SVIL: variants seen among roughly 807,000 people sequenced by gnomAD.
The protein encoded by SVIL is supervillin.
Under a neutral mutation model 240.4 loss-of-function variants are expected in SVIL, and 101 were observed. The observed-to-expected ratio is 0.42, with a 90% CI of 0.36 to 0.50. SVIL has a LOEUF of 0.50. Ranked by LOEUF, SVIL falls within the 20% of genes least tolerant of loss-of-function variation. The probability of loss-of-function intolerance (pLI) is 0.01; values close to 1 mark genes in which losing one functional copy is unlikely to be tolerated. For synonymous variants in SVIL, 999 were observed against 1,100.0 expected (o/e 0.91, Z 1.82); for missense variants, 2,512 against 2,818.7 (o/e 0.89, Z 2.46).
chr10:29,520,131 A>G (rs976523899), intron 16 of SVIL, among the ~76,000 whole-genome samples: 11 of 152,252 alleles, frequency 7.2e-5, no homozygotes, highest in African/African-American at 2.7e-4. Context: ...CTAAGTCCAG[A>G]TGGACAGAAT....
chr10:29,623,936 T>C (rs1317687163), intron 1 of SVIL, among the ~76,000 whole-genome samples: 3 of 152,182 alleles, frequency 2.0e-5, no homozygotes, highest in African/African-American at 7.2e-5. Context: ...CCGTAGTATG[T>C]AGTGGGCTGT....
In SVIL at chr10:29,632,016, T is replaced by C. The variant is rs1589426152; in HGVS notation, c.-201+2404A>G. Among the ~76,000 whole-genome samples the C allele has an allele frequency of 2.0e-5, 3 of 152,314 alleles. No individual in the cohort carries two copies. In the East Asian group the frequency reaches 5.8e-4, roughly 29 times the overall value. Reference sequence around the variant, plus strand: ...TGAGTGTCCTAAAATCCCAGGCAGCTGCAGATTCAGGAGATGATTCCAAGG... The same window carrying C: ...TGAGTGTCCTAAAATCCCAGGCAGCCGCAGATTCAGGAGATGATTCCAAGG... On this transcript the variant is annotated intron_variant, in intron 1 of 37. Transcript: ENST00000355867.
chr10:29,541,822 C>G (rs775449186), intron 6 of SVIL, among the ~76,000 whole-genome samples: 1 of 152,160 alleles, frequency 6.6e-6, no homozygotes, highest in Non-Finnish European at 1.5e-5. Context: ...CAGTTCACGA[C>G]GCTCCACAAG....
chr10:29,717,587 C>T (rs1963707264), intron 1 of SVIL, among the ~76,000 whole-genome samples: 1 of 152,056 alleles, frequency 6.6e-6, no homozygotes, highest in Non-Finnish European at 1.5e-5. Flanking sequence ...TTGCAATATT[C>T]CTTTGAATTT....
rs532086422 is a variant in SVIL at position 29,463,749 on chromosome 10, G to T, written c.6134-114C>A. On this transcript the variant is annotated intron_variant, in intron 34 of 37. Coordinates refer to ENST00000355867, the MANE Select transcript of SVIL (RefSeq NM_021738.3). ...CCTCTTGACTGCAGTGTCACAGGGG[G>T]AAACCCCCTTGGCCATCAAACCAGG... is the stretch of plus-strand genomic sequence containing the variant. The T allele has an allele frequency of 4.2e-6, 6 of 1,445,720 alleles. No individual in the cohort carries two copies. The African/African-American group carries it at 8.5e-5, about 20-fold the overall frequency. The allele number at this position is 1,445,720 out of a possible 1,614,324, so 89.6% of individuals were successfully genotyped here. A position where few individuals can be genotyped will look rare whatever the true frequency, so the allele number is the denominator to read the frequency against.
intron 18 of SVIL, among the ~76,000 whole-genome samples, chr10:29,497,437 T>C (rs547424250): frequency 6.6e-6 from 1 of 152,272 alleles, no homozygotes; most frequent in South Asian, 2.1e-4. Flanking sequence ...CTGCAGGATA[T>C]GAAATAAAGC....
chr10:29,507,660 C>T (rs1253743656), intron 17 of SVIL: 156 of 705,792 alleles, frequency 2.2e-4, no homozygotes, highest in Non-Finnish European at 2.6e-4. Flanking sequence ...TAAGTTATTT[C>T]CCAAAATTAA....
intron 2 of SVIL, among the ~76,000 whole-genome samples, chr10:29,671,953 T>TTG: frequency 6.6e-6 from 1 of 152,226 alleles, no homozygotes; most frequent in Middle Eastern, 3.2e-3. Context: ...TAATCCAGCC[T>TTG]GCTATCATTT....
At chr10:29,686,595 C>G (rs980136617) in exon 2 of SVIL, 2 of 152,182 alleles carry the variant, frequency 1.3e-5, no homozygotes, top group African/African-American at 4.8e-5. Context: ...TCCACCATCT[C>G]TTCATGGGCT....
chr10:29,509,334 A>G (rs75323753), intron 17 of SVIL, among the ~76,000 whole-genome samples: 215 of 34,362 alleles, frequency 6.3e-3, no homozygotes, highest in South Asian at 9.5e-3. Context: ...GGGGAGGGAG[A>G]GAGAGAGAGA....
At chr10:29,636,102 GTTT>G (rs561377211), upstream of SVIL, among the ~76,000 whole-genome samples, 1 of 137,744 alleles carries the variant, frequency 7.3e-6, no homozygotes, top group Non-Finnish European at 1.6e-5. Flanking sequence ...CCAGTCAACT[GTTT>G]TTTTTTTTTT....
chr10:29,491,233 C>T (rs564332381), intron 21 of SVIL, among the ~76,000 whole-genome samples: 1 of 152,292 alleles, frequency 6.6e-6, no homozygotes, highest in East Asian at 1.9e-4. Context: ...CACCCGGATG[C>T]CCCCACTCAC....
chr10:29,724,181 C>CTTTTTTTTTTTT (rs386371080), intron 1 of SVIL, among the ~76,000 whole-genome samples: 1 of 144,520 alleles, frequency 6.9e-6, no homozygotes. Flanking sequence ...TGTTTTCTCT[C>CTTTTTTTTTTTT]TTTTTTTTTT....
intron 1 of SVIL, among the ~76,000 whole-genome samples, chr10:29,607,683 A>G (rs115801563): frequency 1.3e-5 from 2 of 152,188 alleles, no homozygotes; most frequent in Non-Finnish European, 2.9e-5. Flanking sequence ...GCTTTCCACA[A>G]TGCCAACGTC....
At chr10:29,676,692 C>T (rs574872972) in intron 2 of SVIL, among the ~76,000 whole-genome samples, 3 of 152,316 alleles carry the variant, frequency 2.0e-5, no homozygotes, top group South Asian at 4.1e-4. Context: ...AGTTGGAACA[C>T]TGAGCTGGAC....
Position 29,535,637 on chromosome 10 carries a change from C to A in SVIL, c.908+352G>T, listed in dbSNP as rs147650293. Among the ~76,000 whole-genome samples the A allele has an allele frequency of 3.3e-4, 50 of 152,302 alleles. 1 individual carries two copies. The highest frequency in any genetic ancestry group is 1.2e-3 in the African/African-American group (48 of 41,568). On this transcript the variant is annotated intron_variant, in intron 7 of 37. Transcript: ENST00000355867. ...GCTGAGCAGATGGGACGCCGGCTAG[C>A]GAGTCCAGCTATGGAAAGGAGCCCA...
At chr10:29,534,167 C>T (rs760051210) in intron 7 of SVIL, among the ~76,000 whole-genome samples, 3 of 152,156 alleles carry the variant, frequency 2.0e-5, no homozygotes, top group Non-Finnish European at 4.4e-5. Flanking sequence ...TTTCCCACCA[C>T]CATCCCCCTG....
chr10:29,506,033 A>T (rs2132458233), intron 17 of SVIL, among the ~76,000 whole-genome samples: 1 of 152,246 alleles, frequency 6.6e-6, no homozygotes, highest in East Asian at 1.9e-4. Flanking sequence ...ATACAAGGTA[A>T]TGTTATGTAA....
chr10:29,504,841 C>T (rs1054304067), intron 17 of SVIL, among the ~76,000 whole-genome samples: 4 of 152,166 alleles, frequency 2.6e-5, no homozygotes, highest in Non-Finnish European at 4.4e-5. Context: ...CAATCATGCT[C>T]CTTGATACTC....
Sources: gnomAD v4.1 joint callset for allele counts (sites outside exome capture counted in the v4.1 genomes callset) on GRCh38, gnomAD v4.1.1 for gene constraint, MANE v1.5 for transcripts, NCBI Gene and HGNC (gene_info 2026-07-23, HGNC 2026-07-21) for gene names.